KANK1: variants seen among roughly 807,000 people sequenced by gnomAD.
KANK1 encodes KN motif and ankyrin repeat domain-containing protein 1.
A neutral mutation model predicts 106.2 loss-of-function variants in KANK1; 109 were observed. The observed-to-expected ratio is 1.03, with a 90% CI of 0.88 to 1.20. The LOEUF (loss-of-function observed/expected upper bound fraction) is 1.20, where lower values mean the gene tolerates loss of function less well. Among genes scored for constraint, KANK1 ranks in the 50% most tolerant of loss-of-function variants. KANK1 has a pLI of 0.00. For missense variants in KANK1, 2,399 were observed against 1,710.7 expected (o/e 1.40, Z -7.10); for synonymous variants, 873 against 652.2 (o/e 1.34, Z -5.16).
chr9:540,874 C>G (rs1442937002), intron 1 of KANK1, among the ~76,000 whole-genome samples: 1 of 152,046 alleles, frequency 6.6e-6, no homozygotes, highest in Non-Finnish European at 1.5e-5. Flanking sequence ...AATGTCTCAT[C>G]TTTCATGTAT....
chr9:735,809 C>A, intron 7 of KANK1: 1 of 379,198 alleles, frequency 2.6e-6, no homozygotes, highest in Non-Finnish European at 5.6e-6. Context: ...GCTTAGCCAA[C>A]ATGGTGAAAC....
intron 1 of KANK1, among the ~76,000 whole-genome samples, chr9:643,663 A>G (rs1839003296): frequency 7.0e-6 from 1 of 143,758 alleles, no homozygotes; most frequent in Non-Finnish European, 1.5e-5. Flanking sequence ...TACCGGTGTG[A>G]GCCAATGTGC....
chr9:671,256 T>C (rs993575953), intron 1 of KANK1, among the ~76,000 whole-genome samples: 1 of 151,782 alleles, frequency 6.6e-6, no homozygotes, highest in Non-Finnish European at 1.5e-5. Context: ...TGTTTTTCAG[T>C]TTTGGAAGTA....
At chr9:533,031 A>G (rs1317519291) in intron 1 of KANK1, among the ~76,000 whole-genome samples, 1 of 152,192 alleles carries the variant, frequency 6.6e-6, no homozygotes, top group East Asian at 1.9e-4. Flanking sequence ...TTTGTCCTGC[A>G]GTGATGTCTT....
chr9:504,432 G>A (rs888935022), upstream of KANK1, among the ~76,000 whole-genome samples: 2 of 151,822 alleles, frequency 1.3e-5, no homozygotes, highest in African/African-American at 2.4e-5. Context: ...AGGGCCGCCC[G>A]CGGCCGGCTC....
chr9:544,280 C>T (rs943071231), intron 1 of KANK1, among the ~76,000 whole-genome samples: 3 of 152,150 alleles, frequency 2.0e-5, no homozygotes, highest in Non-Finnish European at 4.4e-5. Flanking sequence ...CACTTGGCCT[C>T]CCGAAGTGCT....
intron 10 of KANK1, among the ~76,000 whole-genome samples, chr9:743,692 C>T (rs556921937): frequency 6.6e-6 from 1 of 151,926 alleles, no homozygotes; most frequent in African/African-American, 2.4e-5. Flanking sequence ...TAGTGAGACT[C>T]CCATCTCTAC....
upstream of KANK1, among the ~76,000 whole-genome samples, chr9:504,306 G>A (rs775179904): frequency 6.6e-6 from 1 of 151,742 alleles, no homozygotes; most frequent in Non-Finnish European, 1.5e-5. Context: ...CGCGGTGGAG[G>A]AAGTTCTTCT....
chr9:547,231 C>G (rs950086573), intron 1 of KANK1: 3 of 152,156 alleles, frequency 2.0e-5, no homozygotes, highest in African/African-American at 7.2e-5. Context: ...TTGTGAGCCC[C>G]TCTAACGTCA....
intron 2 of KANK1, among the ~76,000 whole-genome samples, chr9:702,188 G>A (rs933330095): frequency 6.6e-6 from 1 of 151,302 alleles, no homozygotes; most frequent in African/African-American, 2.4e-5. Context: ...CGAGAGGGAG[G>A]AAATGGACTC....
At chr9:685,352 G>A (rs960049191) in intron 2 of KANK1, among the ~76,000 whole-genome samples, 1 of 151,962 alleles carries the variant, frequency 6.6e-6, no homozygotes, top group Non-Finnish European at 1.5e-5. Flanking sequence ...CCTAGTTAAA[G>A]CAAGCCATGG....
chr9:731,254 G>C lies in KANK1; in HGVS notation c.2993G>C (p.Gly998Ala). 1 of 1,595,322 alleles carries C rather than the reference G, an allele frequency of 6.3e-7. No homozygotes were observed. Among genetic ancestry groups the C allele is most frequent in the Non-Finnish European group, 8.6e-7 (1 of 1,163,544 alleles). Residue 998 changes from glycine to alanine, a missense_variant, in exon 5 of 12, where the codon GGC becomes GCC. Transcript: ENST00000382297. ...NGAKKNLQFV[G>A]INGGYETTSS... ...GCAAAAAAGAATCTTCAGTTTGTTG[G>C]CATTAATGGAGGGTAAGGAAAGATG... is the stretch of plus-strand genomic sequence containing the variant.
chr9:595,454 A>G (rs1018773997), intron 1 of KANK1, among the ~76,000 whole-genome samples: 1 of 151,902 alleles, frequency 6.6e-6, no homozygotes, highest in African/African-American at 2.4e-5. Flanking sequence ...CCCGAGGAAA[A>G]GCCTGCAAAA....
intron 1 of KANK1, among the ~76,000 whole-genome samples, chr9:530,251 T>G (rs932972749): frequency 1.3e-5 from 2 of 152,204 alleles, no homozygotes; most frequent in Non-Finnish European, 2.9e-5. Flanking sequence ...GCAGCTTATT[T>G]TAAAGTCTTT....
At chr9:655,185 C>T (rs997343793) in intron 1 of KANK1, among the ~76,000 whole-genome samples, 1 of 152,058 alleles carries the variant, frequency 6.6e-6, no homozygotes, top group African/African-American at 2.4e-5. Flanking sequence ...GCCTGGCTAA[C>T]GTGGTGAAAC....
At chr9:670,523 T>C (rs1412064662) in intron 1 of KANK1, among the ~76,000 whole-genome samples, 1 of 152,132 alleles carries the variant, frequency 6.6e-6, no homozygotes, top group Non-Finnish European at 1.5e-5. Flanking sequence ...TGGGGGAGGT[T>C]GCAAAGGAGC....
intron 1 of KANK1, among the ~76,000 whole-genome samples, chr9:672,618 G>C (rs1034082160): frequency 2.0e-5 from 3 of 152,148 alleles, no homozygotes; most frequent in African/African-American, 7.2e-5. Flanking sequence ...CAGTGCTAGA[G>C]TATATATCAA....
At chr9:653,646 C>G (rs1239913932) in intron 1 of KANK1, among the ~76,000 whole-genome samples, 1 of 152,116 alleles carries the variant, frequency 6.6e-6, no homozygotes, top group African/African-American at 2.4e-5. Context: ...AAGCCTGTCC[C>G]TGGGTTCTGA....
At chr9:543,892 C>T (rs2060767722) in intron 1 of KANK1, among the ~76,000 whole-genome samples, 1 of 152,194 alleles carries the variant, frequency 6.6e-6, no homozygotes, top group Non-Finnish European at 1.5e-5. Flanking sequence ...TAGGAGGCTC[C>T]ATATCATATC....
Sources: allele counts gnomAD v4.1 joint callset (sites outside exome capture counted in the v4.1 genomes callset), GRCh38; gene constraint gnomAD v4.1.1; transcripts MANE v1.5; gene names NCBI Gene and HGNC (gene_info 2026-07-23, HGNC 2026-07-21).